The following HSD17B13 variants were observed in gnomAD, a reference collection of about 807,000 sequenced individuals.
HSD17B13 encodes the protein 17-beta-hydroxysteroid dehydrogenase 13.
In HSD17B13, 26 loss-of-function variants were observed where a neutral mutation model predicts 31.1. That is an observed-to-expected ratio of 0.84 (90% confidence interval 0.61 to 1.16). HSD17B13 has a LOEUF of 1.16. HSD17B13 is among the 50% of genes most tolerant of loss of function. The probability of loss-of-function intolerance (pLI) is 0.00; values close to 1 mark genes in which losing one functional copy is unlikely to be tolerated. For synonymous variants in HSD17B13, 141 were observed against 133.7 expected (o/e 1.05, Z -0.38); for missense variants, 374 against 366.5 (o/e 1.02, Z -0.17).
intron 5 of HSD17B13, among the ~76,000 whole-genome samples, chr4:87,310,760 C>A (rs765870401): frequency 3.9e-5 from 6 of 152,166 alleles, no homozygotes; most frequent in Admixed American, 2.6e-4. Context: ...TACTTTCTTT[C>A]TTGTGGAGGT....
chr4:87,310,165 C>T, intron 6 of HSD17B13, 78 bp downstream of exon 6: 3 of 1,422,038 alleles, frequency 2.1e-6, no homozygotes, highest in Non-Finnish European at 2.7e-6. Context: ...CAGAGTGAGA[C>T]TCTGTCTAAA....
At chr4:87,311,644 A>C (rs2110099611) in intron 5 of HSD17B13, among the ~76,000 whole-genome samples, 1 of 152,256 alleles carries the variant, frequency 6.6e-6, no homozygotes. Context: ...ATGACAGAAA[A>C]ATGGATTTAA....
intron 5 of HSD17B13, 78 bp from the exon 6 acceptor site, chr4:87,310,437 A>C (rs1734507503): frequency 3.2e-6 from 4 of 1,251,180 alleles, no homozygotes; most frequent in Admixed American, 4.1e-5. Context: ...CAGGAAAATT[A>C]TCCTATATTT....
chr4:87,306,226 C>G (rs1342206723), intron 6 of HSD17B13, among the ~76,000 whole-genome samples: 2 of 152,164 alleles, frequency 1.3e-5, no homozygotes, highest in East Asian at 3.8e-4. Context: ...TCTTCTCACT[C>G]TCTTATCTGA....
Position 87,322,634 on chromosome 4 carries a change from T to G in HSD17B13, c.208A>C (p.Lys70Gln). 1 of 1,605,520 alleles carries G rather than the reference T, an allele frequency of 6.2e-7. No individual in the cohort carries two copies. The highest frequency in any genetic ancestry group is 8.5e-7 in the Non-Finnish European group (1 of 1,172,124). ...QSILVLWDIN[K>Q]RGVEETAAEC... ...AAGTTGGAAGATGTATACATTACCT[T>G]ATTAATATCCCACAGAACCAATATG... Residue 70 changes from lysine (K) to glutamine (Q), a missense_variant and splice_region_variant, in exon 1 of 7, where the codon AAG becomes CAG. Physicochemically the swap from Lys to Gln is moderately conservative, Grantham distance 53. Transcript: ENST00000328546.
At chr4:87,309,131 C>T (rs911707974) in intron 6 of HSD17B13, among the ~76,000 whole-genome samples, 1 of 151,938 alleles carries the variant, frequency 6.6e-6, no homozygotes, top group Admixed American at 6.6e-5. Context: ...GCCTGTAATC[C>T]CAGCACTTTG....
Position 87,305,204 on chromosome 4 carries a change from T to A in HSD17B13, c.*14A>T. The A allele has an allele frequency of 6.5e-7, 1 of 1,529,014 alleles. No individual in the cohort carries two copies. The highest frequency in any genetic ancestry group is 9.0e-7 in the Non-Finnish European group (1 of 1,110,086). The allele number at this position is 1,529,014 out of a possible 1,614,324, so 94.7% of individuals were successfully genotyped here. A position where few individuals can be genotyped will look rare whatever the true frequency, so the allele number is the denominator to read the frequency against. ...TCATTATCATGCATACATCTCTGGC[T>A]GGAGCTTATTTATTCATTTCATTTT... On this transcript the variant is annotated 3_prime_UTR_variant, in exon 7 of 7. Coordinates refer to ENST00000328546, the MANE Select transcript of HSD17B13 (RefSeq NM_178135.5).
At chr4:87,315,660 G>A (rs911517259) in intron 3 of HSD17B13, 61 bp from the exon 4 acceptor site, 2 of 1,042,740 alleles carry the variant, frequency 1.9e-6, no homozygotes, top group Non-Finnish European at 2.8e-6. Flanking sequence ...TCCAAATCAG[G>A]TAGTTTTATT....
intron 3 of HSD17B13, among the ~76,000 whole-genome samples, chr4:87,316,166 A>G (rs1469665340): frequency 1.3e-5 from 2 of 152,236 alleles, no homozygotes; most frequent in African/African-American, 2.4e-5. Context: ...AGAAACATCA[A>G]TAAAATTTTA....
At chr4:87,321,349 G>C (rs190628893) in intron 1 of HSD17B13, among the ~76,000 whole-genome samples, 1 of 151,956 alleles carries the variant, frequency 6.6e-6, no homozygotes, top group Non-Finnish European at 1.5e-5. Flanking sequence ...TTTTTAATAC[G>C]ACTTCCTTCT....
At position 87,317,566 on chromosome 4, in the gene HSD17B13, T is replaced by TTTTTTTTTTC. The variant is rs1734682553; in HGVS notation, c.319-344_319-343insGAAAAAAAAA. On this transcript the variant is annotated intron_variant, in intron 2 of 6. Coordinates refer to ENST00000328546, the MANE Select transcript of HSD17B13 (RefSeq NM_178135.5). ...TAAAAATGTGTTTTTCTTTAAACTT[T>TTTTTTTTTTC]TTTTTTTTTTTTTTTTTTTTTTTTT... is the stretch of plus-strand genomic sequence containing the variant. Among the ~76,000 whole-genome samples the TTTTTTTTTTC allele has an allele frequency of 1.2e-4, 14 of 112,018 alleles. 1 individual carries two copies. Among genetic ancestry groups the TTTTTTTTTTC allele is most frequent in the African/African-American group, 6.1e-4 (14 of 23,078 alleles). The allele number at this position is 112,018 out of a possible 152,430, so 73.5% of individuals were successfully genotyped here. A position where few individuals can be genotyped will look rare whatever the true frequency, so the allele number is the denominator to read the frequency against.
chr4:87,310,408 T>A, intron 5 of HSD17B13, 49 bp from the exon 6 acceptor site: 1 of 1,291,618 alleles, frequency 7.7e-7, no homozygotes, highest in Non-Finnish European at 9.9e-7. Flanking sequence ...AAAATTTTAA[T>A]TTTATAAGTA....
chr4:87,304,217 G>A lies in HSD17B13; in HGVS notation c.*1001C>T, dbSNP rs1357614665. On this transcript the variant is annotated 3_prime_UTR_variant, in exon 7 of 7. Coordinates refer to ENST00000328546, the MANE Select transcript of HSD17B13 (RefSeq NM_178135.5). The stretch of plus-strand genomic sequence containing the variant: ...CCAGCTACTCAGGAGGCTGAGGCAG[G>A]AGAATGGCGTGAACCCGGGAGGTGG... The A allele has an allele frequency of 6.6e-6, 1 of 152,176 alleles. No homozygotes were observed. Among genetic ancestry groups the A allele is most frequent in the Non-Finnish European group, 1.5e-5 (1 of 68,054 alleles). The allele number at this position is 152,176 out of a possible 1,614,324, so 9.4% of individuals were successfully genotyped here.
Position 87,304,587 on chromosome 4 carries a change from T to G in HSD17B13, c.*631A>C, listed in dbSNP as rs926720258. 1 of 152,136 alleles carries G rather than the reference T, an allele frequency of 6.6e-6. No homozygotes were observed. The allele number at this position is 152,136 out of a possible 1,614,324, so 9.4% of individuals were successfully genotyped here. On this transcript the variant is annotated 3_prime_UTR_variant, in exon 7 of 7. Coordinates refer to ENST00000328546, the MANE Select transcript of HSD17B13 (RefSeq NM_178135.5). ...TTTCATAATGTATCTTATAAGACTATAAAAAGGGAGGAAATATAGAGGGTC... is the reference window on the plus strand; with the variant it reads ...TTTCATAATGTATCTTATAAGACTAGAAAAAGGGAGGAAATATAGAGGGTC...
intron 1 of HSD17B13, among the ~76,000 whole-genome samples, chr4:87,320,957 G>T (rs1372468948): frequency 1.3e-5 from 2 of 152,194 alleles, no homozygotes; most frequent in East Asian, 3.8e-4. Flanking sequence ...TCATTCAGTA[G>T]CTTAAATGTT....
Position 87,311,783 on chromosome 4 carries a change from A to C in HSD17B13, c.696-1424T>G, listed in dbSNP as rs148388829. On this transcript the variant is annotated intron_variant, in intron 5 of 6. Transcript: ENST00000328546. ...CCTGGGATGATCTGTGGTTTGCTGC[A>C]GATTATTATGTGATTGAGTTCTCCA... is the stretch of plus-strand genomic sequence containing the variant. Among the ~76,000 whole-genome samples, 619 of 152,308 alleles carry C rather than the reference A, an allele frequency of 4.1e-3. 4 individuals are homozygous for C. Among genetic ancestry groups the C allele is most frequent in the African/African-American group, 0.014 (583 of 41,558 alleles).
intron 3 of HSD17B13, 133 bp from the exon 4 acceptor site, chr4:87,315,732 T>C: frequency 1.9e-6 from 1 of 526,160 alleles, no homozygotes; most frequent in Non-Finnish European, 3.4e-6. Context: ...CTTCCAAGCA[T>C]TCCATGATTA....
chr4:87,310,425 G>A (rs1734507449), intron 5 of HSD17B13, 66 bp from the exon 6 acceptor site: 4 of 1,259,302 alleles, frequency 3.2e-6, no homozygotes, highest in Non-Finnish European at 4.0e-6. Flanking sequence ...AGTAAATGAT[G>A]GCAGGAAAAT....
intron 2 of HSD17B13, among the ~76,000 whole-genome samples, chr4:87,317,840 A>T (rs752962789): frequency 6.6e-6 from 1 of 152,096 alleles, no homozygotes. Context: ...GGATTGAATT[A>T]AAAAATGTAA....
Sources: allele counts gnomAD v4.1 joint callset (sites outside exome capture counted in the v4.1 genomes callset), GRCh38; gene constraint gnomAD v4.1.1; transcripts MANE v1.5; gene names NCBI Gene and HGNC (gene_info 2026-07-23, HGNC 2026-07-21).